Variants in KCNIP4 observed in about 807,000 individuals in gnomAD.
KCNIP4 encodes potassium voltage-gated channel interacting protein 4.
KCNIP4 carries 12 observed loss-of-function variants against 34.0 expected under a neutral mutation model. The observed-to-expected ratio is 0.35, with a 90% confidence interval of 0.23 to 0.57. The LOEUF (loss-of-function observed/expected upper bound fraction) is 0.57. KCNIP4 is among the 20% of genes least tolerant of loss of function. The pLI, the probability that KCNIP4 is intolerant of heterozygous loss-of-function variation, is 0.83. For missense variants in KCNIP4, 238 were observed against 311.7 expected (o/e 0.76, Z 1.78); for synonymous variants, 124 against 102.2 (o/e 1.21, Z -1.29).
At chr4:21,266,388 A>C (rs6839686) in intron 1 of KCNIP4, among the ~76,000 whole-genome samples, 1 of 152,004 alleles carries the variant, frequency 6.6e-6, no homozygotes, top group Non-Finnish European at 1.5e-5. Flanking sequence ...CTTAAAAACA[A>C]AATGCCAAGG....
intron 1 of KCNIP4, chr4:21,730,109 C>T (rs1715481225): frequency 6.6e-6 from 1 of 151,998 alleles, no homozygotes; most frequent in Admixed American, 6.6e-5. Flanking sequence ...AATCTGGTTC[C>T]TTGCTGGAAG....
At chr4:21,074,742 T>C (rs1024413862) in intron 1 of KCNIP4, among the ~76,000 whole-genome samples, 2 of 152,214 alleles carry the variant, frequency 1.3e-5, no homozygotes, top group Non-Finnish European at 2.9e-5. Flanking sequence ...GGTGTCAATT[T>C]TGGATCTTTC....
chr4:21,494,215 T>C (rs1035162954), intron 1 of KCNIP4, among the ~76,000 whole-genome samples: 1 of 152,172 alleles, frequency 6.6e-6, no homozygotes, highest in Non-Finnish European at 1.5e-5. Flanking sequence ...AGAAGACAAA[T>C]ATTATAAAAT....
At chr4:21,587,928 A>G (rs1332002971) in intron 1 of KCNIP4, among the ~76,000 whole-genome samples, 1 of 152,036 alleles carries the variant, frequency 6.6e-6, no homozygotes, top group Non-Finnish European at 1.5e-5. Context: ...TGTATAAAGA[A>G]CTTAATACTT....
chr4:21,410,657 A>C (rs1023123085), intron 1 of KCNIP4, among the ~76,000 whole-genome samples: 1 of 152,128 alleles, frequency 6.6e-6, no homozygotes, highest in East Asian at 1.9e-4. Flanking sequence ...CTCATCAACA[A>C]CACCAAGCTA....
intron 1 of KCNIP4, among the ~76,000 whole-genome samples, chr4:21,441,137 C>CT (rs758901417): frequency 0.035 from 4,854 of 136,910 alleles, 164 homozygotes; most frequent in East Asian, 0.14. Flanking sequence ...TGACACCTTT[C>CT]TTTTTTTTTT....
chr4:21,079,026 G>A (rs557879410), intron 1 of KCNIP4, among the ~76,000 whole-genome samples: 1 of 152,176 alleles, frequency 6.6e-6, no homozygotes, highest in African/African-American at 2.4e-5. Flanking sequence ...AGGTCAGATT[G>A]TGGTTCATAT....
chr4:20,979,634 G>A (rs894275833), intron 1 of KCNIP4, among the ~76,000 whole-genome samples: 8 of 151,742 alleles, frequency 5.3e-5, no homozygotes, highest in African/African-American at 1.7e-4. Context: ...TCCTGACCTC[G>A]TGATCCACCC....
At chr4:21,158,686 G>C (rs770295218) in intron 1 of KCNIP4, among the ~76,000 whole-genome samples, 3 of 152,024 alleles carry the variant, frequency 2.0e-5, no homozygotes, top group Non-Finnish European at 4.4e-5. Flanking sequence ...CTAATTTAAT[G>C]GTTATATTTA....
intron 1 of KCNIP4, among the ~76,000 whole-genome samples, chr4:20,956,515 A>T: frequency 6.6e-6 from 1 of 151,342 alleles, no homozygotes; most frequent in South Asian, 2.1e-4. Context: ...AAAAAAAAAA[A>T]GTTTTCTCTT....
chr4:21,387,763 T>C (rs1393473618), intron 1 of KCNIP4, among the ~76,000 whole-genome samples: 3 of 152,156 alleles, frequency 2.0e-5, no homozygotes, highest in East Asian at 3.9e-4. Context: ...CCTCTCTTCA[T>C]AGATTTGTCG....
rs59875638 is a variant in KCNIP4 at position 21,066,845 on chromosome 4, C to T, written c.62-184136G>A. 8.6e-3 allele frequency among the ~76,000 whole-genome samples: 1,310 copies of T among 152,230 alleles called. 46 individuals are homozygous for T. The highest frequency in any genetic ancestry group is 0.059 in the Admixed American group (899 of 15,282). On this transcript the variant is annotated intron_variant, in intron 1 of 8. Coordinates refer to ENST00000382152, the MANE Select transcript of KCNIP4 (RefSeq NM_025221.6). ...GAGGACTGCAATCCCTGGGCAAGTC[C>T]TGGTCCTGTGCTGTGCTGGGCTCAA...
chr4:21,327,163 TATG>T (rs944571025), intron 1 of KCNIP4, among the ~76,000 whole-genome samples: 18 of 152,226 alleles, frequency 1.2e-4, no homozygotes, highest in Non-Finnish European at 1.2e-4. Flanking sequence ...TGTAACTTCA[TATG>T]ATATTTTCTC....
At chr4:21,777,206 A>G (rs1025912562) in intron 1 of KCNIP4, among the ~76,000 whole-genome samples, 2 of 152,218 alleles carry the variant, frequency 1.3e-5, no homozygotes, top group African/African-American at 4.8e-5. Context: ...TTCTCCAGCC[A>G]TGCAGAATTG....
At chr4:21,731,372 G>A (rs1009891915) in intron 1 of KCNIP4, among the ~76,000 whole-genome samples, 3 of 152,048 alleles carry the variant, frequency 2.0e-5, no homozygotes, top group Non-Finnish European at 4.4e-5. Context: ...ACAGAAATAC[G>A]CTTTCGACGT....
At chr4:20,886,691 A>G (rs1725351917) in intron 1 of KCNIP4, among the ~76,000 whole-genome samples, 1 of 152,196 alleles carries the variant, frequency 6.6e-6, no homozygotes, top group Non-Finnish European at 1.5e-5. Flanking sequence ...GAGTAAGGAT[A>G]ATTTCCTAGA....
intron 1 of KCNIP4, among the ~76,000 whole-genome samples, chr4:21,193,730 C>T (rs1405877556): frequency 6.6e-6 from 1 of 151,988 alleles, no homozygotes; most frequent in Non-Finnish European, 1.5e-5. Flanking sequence ...AGCCACCACG[C>T]CCGGCTAATT....
intron 3 of KCNIP4, among the ~76,000 whole-genome samples, chr4:20,801,241 C>A (rs1389681628): frequency 6.6e-6 from 1 of 151,310 alleles, no homozygotes; most frequent in East Asian, 1.9e-4. Context: ...AAAGCTAAAT[C>A]CATCACCACT....
chr4:21,091,923 A>G (rs924381487), intron 1 of KCNIP4, among the ~76,000 whole-genome samples: 13 of 152,208 alleles, frequency 8.5e-5, no homozygotes, highest in African/African-American at 2.9e-4. Flanking sequence ...CATTCAGTCC[A>G]TAAGACCATG....
Sources: gnomAD v4.1 joint callset for allele counts (sites outside exome capture counted in the v4.1 genomes callset) on GRCh38, gnomAD v4.1.1 for gene constraint, MANE v1.5 for transcripts, NCBI Gene and HGNC (gene_info 2026-07-23, HGNC 2026-07-21) for gene names.